Variants in BICC1 observed in about 807,000 individuals in gnomAD.
BICC1 encodes protein bicaudal C homolog 1.
Under a neutral mutation model 111.0 loss-of-function variants are expected in BICC1, and 43 were observed. The observed-to-expected ratio is 0.39, with a 90% CI of 0.30 to 0.50. The LOEUF is 0.50. Ranked by LOEUF, BICC1 falls within the 20% of genes least tolerant of loss-of-function variation. The pLI is 0.88. For missense variants in BICC1, 1,091 were observed against 1,203.2 expected (o/e 0.91, Z 1.38); for synonymous variants, 467 against 434.4 (o/e 1.07, Z -0.93).
chr10:58,747,723 C>T (rs1448202127), intron 3 of BICC1, among the ~76,000 whole-genome samples: 1 of 152,036 alleles, frequency 6.6e-6, no homozygotes. Context: ...ATTTGAAACC[C>T]TGTGTATAGC....
chr10:58,751,981 G>A (rs1842002588), intron 3 of BICC1, among the ~76,000 whole-genome samples: 1 of 152,100 alleles, frequency 6.6e-6, no homozygotes, highest in Non-Finnish European at 1.5e-5. Context: ...CTCCCTTTCT[G>A]TTATAACCTT....
At chr10:58,764,283 G>C (rs971428137) in intron 3 of BICC1, among the ~76,000 whole-genome samples, 1 of 152,074 alleles carries the variant, frequency 6.6e-6, no homozygotes, top group Non-Finnish European at 1.5e-5. Context: ...TTTCTTCAGA[G>C]GCCCATAATC....
At chr10:58,520,270 C>G (rs562714627) in intron 1 of BICC1, among the ~76,000 whole-genome samples, 1 of 152,194 alleles carries the variant, frequency 6.6e-6, no homozygotes, top group African/African-American at 2.4e-5. Flanking sequence ...AGGAATGAGG[C>G]GCAATTTTAT....
chr10:58,687,904 G>A (rs535981116), intron 2 of BICC1, among the ~76,000 whole-genome samples: 1 of 152,254 alleles, frequency 6.6e-6, no homozygotes, highest in South Asian at 2.1e-4. Context: ...ACCTCAGTTG[G>A]AAATGCAGAA....
At chr10:58,742,655 C>T (rs992267754) in intron 3 of BICC1, among the ~76,000 whole-genome samples, 1 of 151,952 alleles carries the variant, frequency 6.6e-6, no homozygotes, top group African/African-American at 2.4e-5. Flanking sequence ...CCAGTCTGGT[C>T]TTGAACTCCT....
At chr10:58,602,330 C>T (rs1240430433) in intron 1 of BICC1, among the ~76,000 whole-genome samples, 1 of 152,042 alleles carries the variant, frequency 6.6e-6, no homozygotes, top group Non-Finnish European at 1.5e-5. Context: ...TAAATGTACG[C>T]ACATATTTTT....
intron 3 of BICC1, among the ~76,000 whole-genome samples, chr10:58,708,622 CA>C (rs1391584896): frequency 1.3e-5 from 2 of 152,184 alleles, no homozygotes; most frequent in Non-Finnish European, 2.9e-5. Context: ...TTGGTTGGAC[CA>C]GGTGTGATGT....
intron 1 of BICC1, among the ~76,000 whole-genome samples, chr10:58,605,878 A>C (rs1034587817): frequency 2.6e-5 from 4 of 152,170 alleles, no homozygotes; most frequent in African/African-American, 9.7e-5. Flanking sequence ...CTAATATACA[A>C]ACATTTCTTT....
chr10:58,791,626 G>C (rs933159507), intron 8 of BICC1, among the ~76,000 whole-genome samples: 2 of 151,976 alleles, frequency 1.3e-5, no homozygotes, highest in African/African-American at 4.8e-5. Context: ...TGTAATCCCA[G>C]CTACTCAAGA....
chr10:58,631,229 T>C (rs181405489), intron 2 of BICC1, among the ~76,000 whole-genome samples: 2 of 152,312 alleles, frequency 1.3e-5, no homozygotes, highest in African/African-American at 4.8e-5. Context: ...AAATATTTTC[T>C]ATTTTTCTTA....
intron 2 of BICC1, among the ~76,000 whole-genome samples, chr10:58,643,246 G>A (rs540684784): frequency 5.3e-4 from 81 of 152,328 alleles, no homozygotes; most frequent in Non-Finnish European, 1.1e-3. Context: ...GCATTCAAGA[G>A]AGGGATAATA....
At chr10:58,718,744 GT>G in intron 3 of BICC1, among the ~76,000 whole-genome samples, 1 of 148,940 alleles carries the variant, frequency 6.7e-6, no homozygotes. Context: ...GCATGGAAAT[GT>G]GTGTGTGTGT....
At chr10:58,648,134 G>C (rs1015694918) in intron 2 of BICC1, among the ~76,000 whole-genome samples, 4 of 152,302 alleles carry the variant, frequency 2.6e-5, no homozygotes, top group East Asian at 3.9e-4. Context: ...TGCTTTTCTA[G>C]CAGGCCATTA....
chr10:58,654,221 G>T (rs1318607578), intron 2 of BICC1, among the ~76,000 whole-genome samples: 1 of 125,078 alleles, frequency 8.0e-6, no homozygotes, highest in Non-Finnish European at 1.7e-5. Context: ...TGGGTCAAAT[G>T]GTATTTCTAG....
At chr10:58,790,365 A>T (rs914168908) in intron 8 of BICC1, among the ~76,000 whole-genome samples, 6 of 152,178 alleles carry the variant, frequency 3.9e-5, no homozygotes, top group Non-Finnish European at 7.3e-5. Flanking sequence ...GTCAGCCCAA[A>T]ACATTTGTAC....
intron 11 of BICC1, 96 bp from the exon 12 acceptor site, chr10:58,798,960 C>A: frequency 1.0e-6 from 1 of 972,584 alleles, no homozygotes; most frequent in Non-Finnish European, 1.5e-6. Flanking sequence ...CTTTTCTGAA[C>A]TTGCAGCAAC....
intron 1 of BICC1, among the ~76,000 whole-genome samples, chr10:58,589,717 C>G (rs1844543121): frequency 6.6e-6 from 1 of 152,138 alleles, no homozygotes; most frequent in South Asian, 2.1e-4. Flanking sequence ...CTCAAGTGAT[C>G]TTCATGCCTC....
chr10:58,569,937 T>A (rs926242143), intron 1 of BICC1, among the ~76,000 whole-genome samples: 2 of 152,184 alleles, frequency 1.3e-5, no homozygotes, highest in Non-Finnish European at 2.9e-5. Context: ...AAATGGTATT[T>A]CTGGTTCTAG....
At chr10:58,601,197 A>C (rs1845027885) in intron 1 of BICC1, among the ~76,000 whole-genome samples, 1 of 140,750 alleles carries the variant, frequency 7.1e-6, no homozygotes, top group Non-Finnish European at 1.5e-5. Flanking sequence ...GGAAAATAAA[A>C]AAAATTTAAT....
Sources: allele counts gnomAD v4.1 joint callset (sites outside exome capture counted in the v4.1 genomes callset), GRCh38; gene constraint gnomAD v4.1.1; transcripts MANE v1.5; gene names NCBI Gene and HGNC (gene_info 2026-07-23, HGNC 2026-07-21).